Variants in GUCY1A2 observed in about 807,000 individuals in gnomAD.
GUCY1A2 encodes the protein guanylate cyclase 1 soluble subunit alpha 2.
Under a neutral mutation model 63.5 loss-of-function variants are expected in GUCY1A2, and 27 were observed. That is an observed-to-expected ratio of 0.43 (90% confidence interval 0.31 to 0.59). The LOEUF is 0.59. Among genes scored for constraint, GUCY1A2 ranks in the 20% least tolerant of loss-of-function variants. The probability of loss-of-function intolerance (pLI) is 0.11; values close to 1 mark genes in which losing one functional copy is unlikely to be tolerated. For synonymous variants in GUCY1A2, 364 were observed against 343.5 expected (o/e 1.06, Z -0.66); for missense variants, 768 against 913.3 (o/e 0.84, Z 2.05).
chr11:106,837,858 A>C (rs1591296866), intron 4 of GUCY1A2, among the ~76,000 whole-genome samples: 2 of 152,046 alleles, frequency 1.3e-5, no homozygotes, highest in East Asian at 3.9e-4. Flanking sequence ...TCCTGAGAAG[A>C]ATCCCCTTGC....
intron 6 of GUCY1A2, among the ~76,000 whole-genome samples, chr11:106,773,877 AC>A (rs1182741825): frequency 6.6e-6 from 1 of 152,150 alleles, no homozygotes; most frequent in Admixed American, 6.5e-5. Context: ...AATGTTCTAA[AC>A]TTTTATTTTA....
At chr11:106,778,181 ATAT>A (rs1864393254) in intron 5 of GUCY1A2, among the ~76,000 whole-genome samples, 1 of 152,184 alleles carries the variant, frequency 6.6e-6, no homozygotes, top group African/African-American at 2.4e-5. Context: ...AATAGTTTTA[ATAT>A]TATTAATTAG....
chr11:106,893,077 A>G (rs1859996676), intron 4 of GUCY1A2, among the ~76,000 whole-genome samples: 1 of 152,192 alleles, frequency 6.6e-6, no homozygotes, highest in South Asian at 2.1e-4. Flanking sequence ...CTTCCCAAAA[A>G]ATGTCAGGAA....
chr11:107,013,699 C>T (rs954293688), intron 1 of GUCY1A2, among the ~76,000 whole-genome samples: 2 of 152,098 alleles, frequency 1.3e-5, no homozygotes, highest in Non-Finnish European at 2.9e-5. Flanking sequence ...AGGCGTGCAT[C>T]ATCATGACCT....
In GUCY1A2 at chr11:106,697,102, G is replaced by A. The variant is rs1862733989; in HGVS notation, c.1992-9346C>T. 2.0e-5 allele frequency among the ~76,000 whole-genome samples: 3 copies of A among 152,146 alleles called. No homozygotes were observed. The South Asian group carries it at 6.2e-4, about 31-fold the overall frequency. ...TTTATAGAGGATCATACAAAGCAGCGTGATCAAACATGTTAGTTTTAGACT... is the reference window on the plus strand; with the variant it reads ...TTTATAGAGGATCATACAAAGCAGCATGATCAAACATGTTAGTTTTAGACT... On this transcript the variant is annotated intron_variant, in intron 7 of 7. Transcript: ENST00000526355.
chr11:106,869,083 T>C (rs907649771), intron 4 of GUCY1A2, among the ~76,000 whole-genome samples: 4 of 152,068 alleles, frequency 2.6e-5, no homozygotes, highest in Non-Finnish European at 4.4e-5. Flanking sequence ...GGATCCCTTC[T>C]TTACACCTTA....
intron 6 of GUCY1A2, among the ~76,000 whole-genome samples, chr11:106,755,007 A>G (rs1863949394): frequency 6.6e-6 from 1 of 152,122 alleles, no homozygotes; most frequent in Non-Finnish European, 1.5e-5. Flanking sequence ...TTGGTAGGCT[A>G]TTATTGCCTC....
chr11:107,007,936 G>C (rs1256048515), intron 1 of GUCY1A2, among the ~76,000 whole-genome samples: 1 of 144,016 alleles, frequency 6.9e-6, no homozygotes, highest in Admixed American at 8.7e-5. Context: ...CTTGTAAGTG[G>C]CAGCACATCA....
intron 6 of GUCY1A2, among the ~76,000 whole-genome samples, chr11:106,733,197 T>A (rs1422912849): frequency 7.2e-6 from 1 of 139,276 alleles, no homozygotes; most frequent in Non-Finnish European, 1.6e-5. Context: ...GTTGTAAGGC[T>A]AGGAGTTTTA....
At chr11:106,926,550 G>A (rs1860525030) in intron 4 of GUCY1A2, among the ~76,000 whole-genome samples, 1 of 151,924 alleles carries the variant, frequency 6.6e-6, no homozygotes, top group Admixed American at 6.6e-5. Flanking sequence ...CAGACCCACT[G>A]AATCATCTCT....
At chr11:106,869,034 C>T (rs1250210011) in intron 4 of GUCY1A2, among the ~76,000 whole-genome samples, 1 of 152,078 alleles carries the variant, frequency 6.6e-6, no homozygotes, top group Admixed American at 6.6e-5. Context: ...ACAAACGGTG[C>T]TGGGAAAACT....
At chr11:106,923,479 T>C (rs1184032766) in intron 4 of GUCY1A2, among the ~76,000 whole-genome samples, 1 of 152,208 alleles carries the variant, frequency 6.6e-6, no homozygotes, top group Non-Finnish European at 1.5e-5. Context: ...GTGACTGGCC[T>C]AGGTGAACTC....
intron 6 of GUCY1A2, among the ~76,000 whole-genome samples, chr11:106,775,032 A>G (rs532600666): frequency 9.6e-4 from 146 of 152,278 alleles, no homozygotes; most frequent in African/African-American, 3.1e-3. Context: ...TTTCACATCT[A>G]TAATTTCCCC....
intron 4 of GUCY1A2, among the ~76,000 whole-genome samples, chr11:106,887,729 G>T (rs894842684): frequency 6.6e-6 from 1 of 152,144 alleles, no homozygotes; most frequent in Non-Finnish European, 1.5e-5. Context: ...TACAACGGCA[G>T]CTGCTACTGG....
intron 4 of GUCY1A2, chr11:106,827,712 A>G: frequency 1.9e-6 from 3 of 1,542,598 alleles, no homozygotes; most frequent in Non-Finnish European, 2.7e-6. Flanking sequence ...AAATTCTTCC[A>G]ATATTTTAGA....
At chr11:106,816,148 C>G (rs933122522) in intron 4 of GUCY1A2, among the ~76,000 whole-genome samples, 4 of 131,924 alleles carry the variant, frequency 3.0e-5, no homozygotes, top group African/African-American at 1.2e-4. Context: ...AATCCAACAA[C>G]AGCAGAATAC....
At chr11:106,778,252 T>C (rs1159037882) in intron 5 of GUCY1A2, among the ~76,000 whole-genome samples, 14 of 152,236 alleles carry the variant, frequency 9.2e-5, no homozygotes. Flanking sequence ...TTTTCTGTGA[T>C]GTGCTCCATG....
chr11:107,004,544 G>C (rs975804422), intron 1 of GUCY1A2, among the ~76,000 whole-genome samples: 2 of 152,080 alleles, frequency 1.3e-5, no homozygotes, highest in East Asian at 3.9e-4. Context: ...CCTACCTCTA[G>C]CTAGGACTAT....
In GUCY1A2 at chr11:106,711,202, G is replaced by T. The variant is rs370214201; in HGVS notation, c.1837-2536C>A. ...CAAATGGAGCATTTAACCCAGAAAG[G>T]CTGCCATGCATATGTAGGTGCTAGA... On this transcript the variant is annotated intron_variant, in intron 6 of 7. Coordinates refer to ENST00000526355, the MANE Select transcript of GUCY1A2 (RefSeq NM_000855.3). Among the ~76,000 whole-genome samples the T allele has an allele frequency of 4.6e-5, 7 of 152,204 alleles. No individual in the cohort carries two copies. The South Asian group carries it at 6.2e-4, about 14-fold the overall frequency.
Sources: gnomAD v4.1 joint callset for allele counts (sites outside exome capture counted in the v4.1 genomes callset) on GRCh38, gnomAD v4.1.1 for gene constraint, MANE v1.5 for transcripts, NCBI Gene and HGNC (gene_info 2026-07-23, HGNC 2026-07-21) for gene names.